Variants in UNC5D observed in about 807,000 individuals in gnomAD.
UNC5D encodes netrin receptor UNC5D.
A neutral mutation model predicts 105.4 loss-of-function variants in UNC5D; 39 were observed. The observed-to-expected ratio is 0.37, with a 90% CI of 0.29 to 0.48. UNC5D has a LOEUF of 0.48. UNC5D is among the 20% of genes least tolerant of loss of function. UNC5D has a pLI of 0.98. For synonymous variants in UNC5D, 452 were observed against 450.4 expected (o/e 1.00, Z -0.04); for missense variants, 991 against 1,202.4 (o/e 0.82, Z 2.60).
chr8:35,642,936 G>C, intron 4 of UNC5D, among the ~76,000 whole-genome samples: 1 of 152,066 alleles, frequency 6.6e-6, no homozygotes, highest in African/African-American at 2.4e-5. Flanking sequence ...AAGCAAACAG[G>C]TCTTTTGTTG....
chr8:35,288,530 C>G (rs963988896), intron 1 of UNC5D, among the ~76,000 whole-genome samples: 1 of 152,098 alleles, frequency 6.6e-6, no homozygotes, highest in African/African-American at 2.4e-5. Flanking sequence ...GTAAAAAACT[C>G]TTTGGTATAA....
intron 4 of UNC5D, among the ~76,000 whole-genome samples, chr8:35,673,994 G>C (rs1174525971): frequency 6.6e-6 from 1 of 152,144 alleles, no homozygotes; most frequent in African/African-American, 2.4e-5. Context: ...CCTATCCGTG[G>C]ACAGTTACTG....
At chr8:35,475,071 G>C (rs1809991267) in intron 1 of UNC5D, among the ~76,000 whole-genome samples, 1 of 152,158 alleles carries the variant, frequency 6.6e-6, no homozygotes, top group South Asian at 2.1e-4. Context: ...TCAGTATTTA[G>C]GAGAATAGCA....
At chr8:35,785,363 G>A (rs1563761926) in intron 16 of UNC5D, among the ~76,000 whole-genome samples, 1 of 151,482 alleles carries the variant, frequency 6.6e-6, no homozygotes, top group Non-Finnish European at 1.5e-5. Flanking sequence ...GAGATTTTAG[G>A]TATATATATA....
intron 1 of UNC5D, among the ~76,000 whole-genome samples, chr8:35,512,474 A>G (rs1812783691): frequency 1.0e-5 from 1 of 97,658 alleles, no homozygotes; most frequent in Non-Finnish European, 1.9e-5. Context: ...CCATATATAT[A>G]TATATATATA....
At chr8:35,330,868 G>A (rs543975348) in intron 1 of UNC5D, among the ~76,000 whole-genome samples, 2 of 152,216 alleles carry the variant, frequency 1.3e-5, no homozygotes, top group African/African-American at 4.8e-5. Flanking sequence ...GTGATAAGTG[G>A]GTTTAAAAAT....
chr8:35,261,299 T>G (rs1413670418), intron 1 of UNC5D, among the ~76,000 whole-genome samples: 3 of 152,196 alleles, frequency 2.0e-5, no homozygotes, highest in African/African-American at 7.2e-5. Flanking sequence ...TTCAGAACCC[T>G]GCACAATTGA....
At chr8:35,747,781 C>A (rs1480036679) in intron 11 of UNC5D, among the ~76,000 whole-genome samples, 1 of 152,194 alleles carries the variant, frequency 6.6e-6, no homozygotes, top group Non-Finnish European at 1.5e-5. Context: ...AGTTAACTTT[C>A]ACTTTCTTTT....
At chr8:35,534,799 A>G (rs1199030312) in intron 1 of UNC5D, among the ~76,000 whole-genome samples, 1 of 152,028 alleles carries the variant, frequency 6.6e-6, no homozygotes, top group East Asian at 1.9e-4. Flanking sequence ...GCTACAAAAA[A>G]AGATTGAGAG....
intron 4 of UNC5D, among the ~76,000 whole-genome samples, chr8:35,619,964 G>T (rs1196941648): frequency 6.6e-6 from 1 of 152,200 alleles, no homozygotes; most frequent in Non-Finnish European, 1.5e-5. Context: ...GCCTTGCTCT[G>T]CAGCCTGTAA....
chr8:35,323,098 T>C (rs4612336), intron 1 of UNC5D, among the ~76,000 whole-genome samples: 9,752 of 151,918 alleles, frequency 0.064, 618 homozygotes, highest in East Asian at 0.35. Flanking sequence ...CTAGTACACC[T>C]ACCAGAAAAG....
At chr8:35,251,112 G>C (rs1313811063) in intron 1 of UNC5D, among the ~76,000 whole-genome samples, 2 of 152,008 alleles carry the variant, frequency 1.3e-5, no homozygotes, top group Non-Finnish European at 2.9e-5. Context: ...TCCCTATTAG[G>C]CCTTATCTTT....
chr8:35,428,805 CACCA>C (rs1487269141), intron 1 of UNC5D, among the ~76,000 whole-genome samples: 3 of 151,888 alleles, frequency 2.0e-5, no homozygotes, highest in African/African-American at 7.3e-5. Context: ...ATGAAAACAC[CACCA>C]ACCAACCATC....
intron 16 of UNC5D, among the ~76,000 whole-genome samples, chr8:35,778,052 G>C (rs1256964146): frequency 6.6e-6 from 1 of 152,168 alleles, no homozygotes; most frequent in Non-Finnish European, 1.5e-5. Context: ...CAAATAATGG[G>C]TGTGAGGCTG....
intron 1 of UNC5D, among the ~76,000 whole-genome samples, chr8:35,327,534 G>T (rs1810262864): frequency 6.6e-6 from 1 of 152,166 alleles, no homozygotes; most frequent in Non-Finnish European, 1.5e-5. Flanking sequence ...AGTGCACAAG[G>T]TGCCTGGGTG....
At chr8:35,248,770 T>G (rs1803411502) in intron 1 of UNC5D, among the ~76,000 whole-genome samples, 2 of 95,584 alleles carry the variant, frequency 2.1e-5, no homozygotes, top group Admixed American at 3.3e-4. Flanking sequence ...TATAATATAT[T>G]ATATAAATAT....
At chr8:35,560,732 T>TG (rs1816897267) in intron 2 of UNC5D, among the ~76,000 whole-genome samples, 1 of 152,166 alleles carries the variant, frequency 6.6e-6, no homozygotes, top group Non-Finnish European at 1.5e-5. Context: ...TAATGTCACT[T>TG]GTGGCCTTTT....
intron 4 of UNC5D, among the ~76,000 whole-genome samples, chr8:35,607,162 T>C (rs1820346600): frequency 6.6e-6 from 1 of 152,146 alleles, no homozygotes; most frequent in South Asian, 2.1e-4. Context: ...CGCAGTCCAA[T>C]GTCAGTGAAA....
chr8:35,720,649 CTG>C, intron 8 of UNC5D, among the ~76,000 whole-genome samples: 1 of 152,288 alleles, frequency 6.6e-6, no homozygotes, highest in South Asian at 2.1e-4. Flanking sequence ...CACGTGGAAA[CTG>C]AGGCTGACGT....
Sources: gnomAD v4.1 joint callset for allele counts (sites outside exome capture counted in the v4.1 genomes callset) on GRCh38, gnomAD v4.1.1 for gene constraint, MANE v1.5 for transcripts, NCBI Gene and HGNC (gene_info 2026-07-23, HGNC 2026-07-21) for gene names.